The following EIF4E1B variants were observed in gnomAD, a reference collection of about 807,000 sequenced individuals.
EIF4E1B encodes the protein eukaryotic translation initiation factor 4E type 1B.
EIF4E1B carries 22 observed loss-of-function variants against 31.3 expected under a neutral mutation model. The observed-to-expected ratio is 0.70, with a 90% confidence interval of 0.50 to 1.00. The LOEUF (loss-of-function observed/expected upper bound fraction) is 1.00, where lower values mean the gene tolerates loss of function less well. Among genes scored for constraint, EIF4E1B ranks in the 50% least tolerant of loss-of-function variants. The probability of loss-of-function intolerance (pLI) is 0.00; values close to 1 mark genes in which losing one functional copy is unlikely to be tolerated. For missense variants in EIF4E1B, 290 were observed against 311.6 expected (o/e 0.93, Z 0.52); for synonymous variants, 126 against 120.2 (o/e 1.05, Z -0.31).
At chr5:176,643,512 T>A in intron 4 of EIF4E1B, 127 bp from the exon 5 acceptor site, 1 of 945,656 alleles carries the variant, frequency 1.1e-6, no homozygotes, top group Non-Finnish European at 1.6e-6. Flanking sequence ...GAGAGGGGAA[T>A]GCTGTGCCCC....
At chr5:176,634,787 A>T (rs1229158164) in intron 1 of EIF4E1B, among the ~76,000 whole-genome samples, 28 of 150,674 alleles carry the variant, frequency 1.9e-4, no homozygotes, top group Non-Finnish European at 4.4e-5. Context: ...CTCCTGCCTC[A>T]GCCTCCTGAG....
intron 5 of EIF4E1B, 158 bp from the exon 6 acceptor site, chr5:176,644,218 A>G (rs1760650525): frequency 1.4e-6 from 1 of 739,290 alleles, no homozygotes; most frequent in Non-Finnish European, 2.2e-6. Context: ...GGGTCTTGAG[A>G]GTTTGGATAA....
chr5:176,643,764 T>C (rs1406842140), intron 5 of EIF4E1B, 30 bp downstream of exon 5: 9 of 1,595,436 alleles, frequency 5.6e-6, no homozygotes, highest in African/African-American at 5.4e-5. Flanking sequence ...GGGGCTAGAG[T>C]TGGGGGGCTC....
At chr5:176,633,208 G>GT (rs544990650) in intron 1 of EIF4E1B, among the ~76,000 whole-genome samples, 163 of 143,244 alleles carry the variant, frequency 1.1e-3, no homozygotes, top group Non-Finnish European at 1.5e-3. Flanking sequence ...GCTGTCCAGT[G>GT]TTTTTTTTGT....
At chr5:176,643,782 TG>T in intron 5 of EIF4E1B, 48 bp downstream of exon 5, 1 of 1,564,934 alleles carries the variant, frequency 6.4e-7, no homozygotes. Flanking sequence ...CTCTGAGCTC[TG>T]GGCTCCCTCT....
chr5:176,635,090 G>A (rs1039746218), intron 1 of EIF4E1B, among the ~76,000 whole-genome samples: 1 of 152,112 alleles, frequency 6.6e-6, no homozygotes, highest in Non-Finnish European at 1.5e-5. Context: ...TCGTCCGGGG[G>A]TGCACGGAGA....
At chr5:176,632,628 G>A (rs1760425232) in intron 1 of EIF4E1B, among the ~76,000 whole-genome samples, 1 of 152,198 alleles carries the variant, frequency 6.6e-6, no homozygotes, top group Admixed American at 6.5e-5. Flanking sequence ...AGAGGGTTCA[G>A]GGAAGGAAGT....
In EIF4E1B at chr5:176,646,194, G is replaced by A; in HGVS notation, c.*214G>A. ...GTCTGAGGACCTAGCTTGTCCTGGGGCCACAGGACAGCAGCAGGGTGGAAA... is the reference window on the plus strand; with the variant it reads ...GTCTGAGGACCTAGCTTGTCCTGGGACCACAGGACAGCAGCAGGGTGGAAA... On this transcript the variant is annotated 3_prime_UTR_variant, in exon 9 of 9. Transcript: ENST00000318682. 1.9e-6 allele frequency: 1 copy of A among 515,880 alleles called. No individual in the cohort carries two copies. The highest frequency in any genetic ancestry group is 3.5e-6 in the Non-Finnish European group (1 of 284,042). 32.0% of individuals were successfully genotyped at this position (515,880 alleles called of 1,614,324 possible). A position where few individuals can be genotyped will look rare whatever the true frequency, so the allele number is the denominator to read the frequency against.
In EIF4E1B at chr5:176,643,099, T is replaced by C. The variant is rs1342737361; in HGVS notation, c.33T>C (p.Gly11=). Residue 11 remains glycine, a synonymous_variant, in exon 4 of 9, where the codon GGT becomes GGC. Coordinates refer to ENST00000318682, the MANE Select transcript of EIF4E1B (RefSeq NM_001099408.2). MLAVEVSEAE[G]GIREWEEEEK... The stretch of plus-strand genomic sequence containing the variant: ...TGGCTCAGGTGAGTGAAGCTGAGGG[T>C]GGAATCCGAGAGTGGGAGGAGGAGG... 6.2e-7 allele frequency: 1 copy of C among 1,611,786 alleles called. No homozygotes were observed.
At chr5:176,641,185 C>T (rs2884528) in intron 1 of EIF4E1B, among the ~76,000 whole-genome samples, 149,914 of 152,226 alleles carry the variant, frequency 0.98, 73,860 homozygotes, top group Middle Eastern at 1. Flanking sequence ...CAAAACTAGC[C>T]GGGCGTGGTG....
At chr5:176,640,223 C>T (rs772477593) in intron 1 of EIF4E1B, among the ~76,000 whole-genome samples, 3 of 152,210 alleles carry the variant, frequency 2.0e-5, no homozygotes, top group African/African-American at 7.2e-5. Flanking sequence ...CACGCAGTGC[C>T]ATCCTGGCCA....
intron 3 of EIF4E1B, 68 bp downstream of exon 3, chr5:176,642,870 C>CCCCCCCCCGGGGGGGGGG: frequency 7.0e-7 from 1 of 1,426,052 alleles, no homozygotes; most frequent in East Asian, 2.6e-5. Context: ...CCCCCCGCCC[C>CCCCCCCCCGGGGGGGGGG]AGGTGGGCGG....
intron 1 of EIF4E1B, among the ~76,000 whole-genome samples, chr5:176,640,779 C>G (rs1031869115): frequency 6.6e-6 from 1 of 152,220 alleles, no homozygotes; most frequent in African/African-American, 2.4e-5. Context: ...ATTTCTTTCC[C>G]CTTTTAGCTT....
Position 176,638,868 on chromosome 5 carries a change from C to T in EIF4E1B, c.-201-3175C>T, listed in dbSNP as rs1760535334. 6.6e-6 allele frequency among the ~76,000 whole-genome samples: 1 copy of T among 152,088 alleles called. No individual in the cohort carries two copies. Among genetic ancestry groups the T allele is most frequent in the Non-Finnish European group, 1.5e-5 (1 of 68,014 alleles). On this transcript the variant is annotated intron_variant, in intron 1 of 8. Coordinates refer to ENST00000318682, the MANE Select transcript of EIF4E1B (RefSeq NM_001099408.2). This position sits in a 1 kb window ranked among gnomAD's most constrained non-coding sequence, Gnocchi z 4.3. The stretch of plus-strand genomic sequence containing the variant: ...CGGCTCACTGCAACCTCTACCTCCC[C>T]AATTCAAGTGATTCTCCTGCCTCAG...
chr5:176,643,518 G>A, intron 4 of EIF4E1B, 121 bp from the exon 5 acceptor site: 2 of 978,592 alleles, frequency 2.0e-6, no homozygotes, highest in Non-Finnish European at 1.5e-6. Context: ...GGAATGCTGT[G>A]CCCCAAATCT....
At chr5:176,634,774 A>G (rs1213647572) in intron 1 of EIF4E1B, among the ~76,000 whole-genome samples, 3 of 148,010 alleles carry the variant, frequency 2.0e-5, no homozygotes, top group Non-Finnish European at 4.4e-5. Context: ...GGTTCAAAGG[A>G]TTCTCCTGCC....
chr5:176,642,980 G>C, intron 3 of EIF4E1B, 102 bp from the exon 4 acceptor site: 1 of 1,509,310 alleles, frequency 6.6e-7, no homozygotes, highest in Middle Eastern at 2.3e-4. Context: ...GGCCTTGTGA[G>C]TCCCCTGCCT....
chr5:176,643,288 G>T, intron 4 of EIF4E1B, 22 bp downstream of exon 4: 1 of 1,608,184 alleles, frequency 6.2e-7, no homozygotes, highest in Non-Finnish European at 8.5e-7. Context: ...CCTGCGAGTG[G>T]AACACAGCCC....
At position 176,642,741 on chromosome 5, in the gene EIF4E1B, C is replaced by T; in HGVS notation, c.-47C>T. ...GCCCCCATGGTGTGGGGCTTGGTCA[C>T]AGCTGCTTCCCCAGCCCCAGGCCTG... On this transcript the variant is annotated 5_prime_UTR_variant, in exon 3 of 9. Coordinates refer to ENST00000318682, the MANE Select transcript of EIF4E1B (RefSeq NM_001099408.2). 4 of 1,555,418 alleles carry T rather than the reference C, an allele frequency of 2.6e-6. No individual in the cohort carries two copies. The highest frequency in any genetic ancestry group is 3.5e-6 in the Non-Finnish European group (4 of 1,149,406).
Sources: allele counts gnomAD v4.1 joint callset (sites outside exome capture counted in the v4.1 genomes callset), GRCh38; gene constraint gnomAD v4.1.1; non-coding constraint Gnocchi (gnomAD v3.1); transcripts MANE v1.5; gene names NCBI Gene and HGNC (gene_info 2026-07-23, HGNC 2026-07-21).